Variants in ALCAM observed in about 807,000 individuals in gnomAD.
ALCAM encodes CD166 antigen.
ALCAM carries 30 observed loss-of-function variants against 70.9 expected under a neutral mutation model. That is an observed-to-expected ratio of 0.42 (90% CI 0.32 to 0.57). The LOEUF is 0.57. Ranked by LOEUF, ALCAM falls within the 20% of genes least tolerant of loss-of-function variation. The pLI is 0.11. For missense variants in ALCAM, 591 were observed against 695.1 expected (o/e 0.85, Z 1.68); for synonymous variants, 249 against 242.5 (o/e 1.03, Z -0.25).
At chr3:105,502,901 A>T in intron 1 of ALCAM, among the ~76,000 whole-genome samples, 1 of 152,350 alleles carries the variant, frequency 6.6e-6, no homozygotes, top group Non-Finnish European at 1.5e-5. Context: ...TGGATTCCCA[A>T]ATAAATTCAG....
intron 1 of ALCAM, among the ~76,000 whole-genome samples, chr3:105,393,985 A>T (rs1283562437): frequency 6.6e-6 from 1 of 151,930 alleles, no homozygotes; most frequent in Non-Finnish European, 1.5e-5. Context: ...GCAGTCAGTA[A>T]TATCAAAATA....
chr3:105,471,932 A>G (rs1245433988), intron 1 of ALCAM, among the ~76,000 whole-genome samples: 2 of 151,382 alleles, frequency 1.3e-5, no homozygotes, highest in African/African-American at 4.8e-5. Context: ...TTTGACCAGC[A>G]TCTTCCCAAC....
intron 1 of ALCAM, among the ~76,000 whole-genome samples, chr3:105,380,652 T>TTCA (rs1935494980): frequency 6.6e-6 from 1 of 151,930 alleles, no homozygotes; most frequent in Non-Finnish European, 1.5e-5. Flanking sequence ...AAATTTGAAA[T>TTCA]GGAAATGATT....
chr3:105,454,340 G>T (rs545480805), intron 1 of ALCAM, among the ~76,000 whole-genome samples: 1 of 152,156 alleles, frequency 6.6e-6, no homozygotes, highest in Non-Finnish European at 1.5e-5. Flanking sequence ...TAAGCAAAAA[G>T]ATAATTTCTT....
At chr3:105,481,004 C>T (rs1938255493) in intron 1 of ALCAM, among the ~76,000 whole-genome samples, 1 of 151,958 alleles carries the variant, frequency 6.6e-6, no homozygotes. Context: ...CTCTCATTGC[C>T]CTATCTGTTG....
At chr3:105,559,942 A>G (rs556845787) in intron 14 of ALCAM, among the ~76,000 whole-genome samples, 17 of 152,178 alleles carry the variant, frequency 1.1e-4, no homozygotes, top group Admixed American at 2.0e-4. Context: ...AATATGCCAT[A>G]TCTTTAAAAT....
At chr3:105,431,733 T>A (rs1363766076) in intron 1 of ALCAM, among the ~76,000 whole-genome samples, 1 of 152,092 alleles carries the variant, frequency 6.6e-6, no homozygotes, top group Admixed American at 6.6e-5. Context: ...TGGGTGTGTG[T>A]TTATTATTTT....
At chr3:105,401,762 C>CAT (rs1332971746) in intron 1 of ALCAM, among the ~76,000 whole-genome samples, 1 of 152,090 alleles carries the variant, frequency 6.6e-6, no homozygotes, top group East Asian at 1.9e-4. Flanking sequence ...TAAGGAATGT[C>CAT]CATGTGACTT....
intron 6 of ALCAM, among the ~76,000 whole-genome samples, chr3:105,536,855 T>C (rs1047316500): frequency 6.6e-6 from 1 of 152,152 alleles, no homozygotes; most frequent in Non-Finnish European, 1.5e-5. Flanking sequence ...CAAACTGTAG[T>C]GTAAATCAGA....
chr3:105,402,942 T>C (rs867177821), intron 1 of ALCAM, among the ~76,000 whole-genome samples: 81,029 of 132,632 alleles, frequency 0.61, 23,587 homozygotes, highest in East Asian at 0.83. Flanking sequence ...GATGCGCTTT[T>C]TTTTTTTTTT....
At chr3:105,548,251 G>A (rs1376613215) in intron 11 of ALCAM, among the ~76,000 whole-genome samples, 1 of 151,296 alleles carries the variant, frequency 6.6e-6, no homozygotes. Flanking sequence ...TACCACTAGG[G>A]ATTCAGAACT....
chr3:105,474,292 C>T (rs745606780), intron 1 of ALCAM, among the ~76,000 whole-genome samples: 1 of 151,732 alleles, frequency 6.6e-6, no homozygotes, highest in Non-Finnish European at 1.5e-5. Flanking sequence ...ATGCACTGTG[C>T]ATGTCAATCC....
chr3:105,428,486 A>G (rs914590737), intron 1 of ALCAM, among the ~76,000 whole-genome samples: 3 of 151,912 alleles, frequency 2.0e-5, no homozygotes, highest in African/African-American at 7.2e-5. Context: ...TAATGGATAT[A>G]TTATAAATAC....
chr3:105,483,769 A>T (rs1938343033), intron 1 of ALCAM, among the ~76,000 whole-genome samples: 1 of 152,134 alleles, frequency 6.6e-6, no homozygotes, highest in Non-Finnish European at 1.5e-5. Context: ...TCAAACAAGG[A>T]ATGTGTGTTA....
chr3:105,412,064 C>T (rs1346311699), intron 1 of ALCAM, among the ~76,000 whole-genome samples: 1 of 152,000 alleles, frequency 6.6e-6, no homozygotes, highest in East Asian at 1.9e-4. Context: ...CCCCTAGAGG[C>T]ATTTAATGTC....
chr3:105,536,804 T>G lies in ALCAM; in HGVS notation c.730+1959T>G, dbSNP rs564589474. ...GGTAAAAGTCTTAGGAACTCAGTAT[T>G]AAGAGTCTTGAGGGCTCAGGTGCCC... On this transcript the variant is annotated intron_variant, in intron 6 of 15. Transcript: ENST00000306107. Among the ~76,000 whole-genome samples the G allele has an allele frequency of 2.1e-3, 324 of 152,230 alleles. 3 individuals are homozygous for G. The highest frequency in any genetic ancestry group is 7.4e-3 in the African/African-American group (307 of 41,560).
intron 1 of ALCAM, among the ~76,000 whole-genome samples, chr3:105,453,935 T>C (rs1228296669): frequency 1.3e-5 from 2 of 152,226 alleles, no homozygotes; most frequent in Non-Finnish European, 2.9e-5. Context: ...TCTTGAGAGA[T>C]ACACAAACTA....
intron 1 of ALCAM, among the ~76,000 whole-genome samples, chr3:105,508,942 G>C (rs1939160055): frequency 6.6e-6 from 1 of 152,048 alleles, no homozygotes; most frequent in Admixed American, 6.5e-5. Context: ...GCCTTTTCTA[G>C]ATTCCACATA....
intron 1 of ALCAM, among the ~76,000 whole-genome samples, chr3:105,377,839 A>G (rs1485187387): frequency 6.6e-6 from 1 of 152,066 alleles, no homozygotes; most frequent in Non-Finnish European, 1.5e-5. Flanking sequence ...AGTGAATTTA[A>G]TACTGCTTTT....
Sources: gnomAD v4.1 joint callset for allele counts (sites outside exome capture counted in the v4.1 genomes callset) on GRCh38, gnomAD v4.1.1 for gene constraint, MANE v1.5 for transcripts, NCBI Gene and HGNC (gene_info 2026-07-23, HGNC 2026-07-21) for gene names.